PRKN: variants seen among roughly 807,000 people sequenced by gnomAD.
The protein encoded by PRKN is parkin RBR E3 ubiquitin protein ligase, also known as E3 ubiquitin-protein ligase parkin.
Under a neutral mutation model 59.5 loss-of-function variants are expected in PRKN, and 56 were observed. The ratio of observed to expected loss-of-function variants is 0.94; its 90% CI spans 0.76 to 1.18. The LOEUF (loss-of-function observed/expected upper bound fraction) is 1.18, where lower values mean the gene tolerates loss of function less well. Ranked by LOEUF, PRKN falls within the 50% of genes most tolerant of loss-of-function variation. The pLI is 0.00. For synonymous variants in PRKN, 250 were observed against 222.1 expected, an observed-to-expected ratio of 1.13 and a Z score of -1.12; for missense variants, 657 against 596.4, an observed-to-expected ratio of 1.10 and a Z score of -1.06.
intron 6 of PRKN, among the ~76,000 whole-genome samples, chr6:161,874,988 CTT>C (rs1246314656): frequency 1.9e-5 from 1 of 51,924 alleles, no homozygotes; most frequent in Non-Finnish European, 3.1e-5. Flanking sequence ...ATATTATATA[CTT>C]TATATATAAT....
chr6:162,186,641 T>C lies in PRKN; in HGVS notation c.534+14490A>G, dbSNP rs1784045890. On this transcript the variant is annotated intron_variant, in intron 4 of 11. Transcript: ENST00000366898. Reference sequence around the variant, plus strand: ...CTCCAGTGTTGGAGGTGGGGCATGGTGGGAGGTGGTTGGATCCTGGGAGCA... The same window carrying C: ...CTCCAGTGTTGGAGGTGGGGCATGGCGGGAGGTGGTTGGATCCTGGGAGCA... Among the ~76,000 whole-genome samples, 6 of 152,238 alleles carry C rather than the reference T, an allele frequency of 3.9e-5. No individual in the cohort carries two copies. The South Asian group carries it at 1.2e-3, about 32-fold the overall frequency.
At chr6:161,563,428 T>A (rs542703134) in intron 8 of PRKN, among the ~76,000 whole-genome samples, 2 of 152,126 alleles carry the variant, frequency 1.3e-5, no homozygotes, top group African/African-American at 4.8e-5. Context: ...TACAAACCTA[T>A]TGACTCCAGA....
intron 2 of PRKN, among the ~76,000 whole-genome samples, chr6:162,281,577 G>C (rs1476607528): frequency 6.6e-6 from 1 of 152,042 alleles, no homozygotes; most frequent in Non-Finnish European, 1.5e-5. Context: ...AAAAATGAAA[G>C]CAAAATCCAA....
chr6:161,847,193 A>T (rs1330359061), intron 6 of PRKN, among the ~76,000 whole-genome samples: 1 of 152,148 alleles, frequency 6.6e-6, no homozygotes, highest in African/African-American at 2.4e-5. Context: ...CTGTAGTCCC[A>T]GCTACTTGGG....
intron 6 of PRKN, among the ~76,000 whole-genome samples, chr6:161,946,102 A>T (rs1361739423): frequency 6.6e-6 from 1 of 152,144 alleles, no homozygotes; most frequent in African/African-American, 2.4e-5. Flanking sequence ...CCGTAGAATG[A>T]GTAGAAAATT....
At chr6:161,993,755 C>T (rs1470446817) in intron 5 of PRKN, among the ~76,000 whole-genome samples, 2 of 152,192 alleles carry the variant, frequency 1.3e-5, no homozygotes. Flanking sequence ...TACGGTTCTG[C>T]AAGCTGTAAA....
intron 2 of PRKN, among the ~76,000 whole-genome samples, chr6:162,400,894 T>G (rs555444434): frequency 6.6e-6 from 1 of 152,244 alleles, no homozygotes; most frequent in Admixed American, 6.5e-5. Flanking sequence ...TAATATACAC[T>G]TAGAAATTAA....
chr6:161,415,761 C>A (rs934770585), intron 9 of PRKN, among the ~76,000 whole-genome samples: 1 of 151,818 alleles, frequency 6.6e-6, no homozygotes, highest in African/African-American at 2.4e-5. Context: ...GTTGTCAGTT[C>A]TGCTCTCACT....
At position 161,538,679 on chromosome 6, in the gene PRKN, TC is replaced by T. The variant is rs1779510438; in HGVS notation, c.1083+10174del. On this transcript the variant is annotated intron_variant, in intron 9 of 11. Transcript: ENST00000366898. This position sits in a 1 kb window ranked among gnomAD's most constrained non-coding sequence, Gnocchi z 4.2. ...AAAAATGGCTGCATTTCTTGGAATC[TC>T]AGGAAATGTGATTTCTACATCTGTT... is the stretch of plus-strand genomic sequence containing the variant. Among the ~76,000 whole-genome samples the T allele has an allele frequency of 6.6e-6, 1 of 152,144 alleles. No individual in the cohort carries two copies. Among genetic ancestry groups the T allele is most frequent in the South Asian group, 2.1e-4 (1 of 4,814 alleles).
intron 6 of PRKN, among the ~76,000 whole-genome samples, chr6:161,877,268 GA>G (rs1337629373): frequency 2.0e-5 from 3 of 152,024 alleles, no homozygotes; most frequent in African/African-American, 7.2e-5. Flanking sequence ...CTCCTGTCTG[GA>G]CCCTGCTAGG....
At chr6:161,411,278 C>T (rs748591525) in intron 9 of PRKN, among the ~76,000 whole-genome samples, 1 of 152,154 alleles carries the variant, frequency 6.6e-6, no homozygotes, top group Non-Finnish European at 1.5e-5. Flanking sequence ...TTTCCCCATA[C>T]TGTCCTTGTG....
intron 1 of PRKN, among the ~76,000 whole-genome samples, chr6:162,451,314 A>T (rs1025446315): frequency 2.0e-5 from 3 of 151,836 alleles, no homozygotes; most frequent in Non-Finnish European, 4.4e-5. Context: ...CTAATTTTGA[A>T]ACTAGGAAAC....
chr6:161,425,297 T>C (rs907280670), intron 9 of PRKN, among the ~76,000 whole-genome samples: 1 of 152,198 alleles, frequency 6.6e-6, no homozygotes, highest in Admixed American at 6.5e-5. Context: ...GAGTACAAAC[T>C]GCATTGAGGT....
In PRKN at chr6:161,379,496, T is replaced by G. The variant is rs1259275083; in HGVS notation, c.1167+7298A>C. On this transcript the variant is annotated intron_variant, in intron 10 of 11. Transcript: ENST00000366898. This position sits in a 1 kb window ranked among gnomAD's most constrained non-coding sequence, Gnocchi z 4.9. ...AAGGGGCAGACGACAGCAGATGCTGTGAGGCTGGCCAGACCCCTCCTCCAG... is the reference window on the plus strand; with the variant it reads ...AAGGGGCAGACGACAGCAGATGCTGGGAGGCTGGCCAGACCCCTCCTCCAG... Among the ~76,000 whole-genome samples the G allele has an allele frequency of 6.6e-6, 1 of 152,230 alleles. No individual in the cohort carries two copies. The highest frequency in any genetic ancestry group is 1.5e-5 in the Non-Finnish European group (1 of 68,042).
rs1468100045 is a variant in PRKN at position 161,582,429 on chromosome 6, T to C, written c.872-13013A>G. 6.6e-6 allele frequency among the ~76,000 whole-genome samples: 1 copy of C among 150,672 alleles called. No individual in the cohort carries two copies. The highest frequency in any genetic ancestry group is 1.5e-5 in the Non-Finnish European group (1 of 67,732). ...ATCTGCAGACTATTATTATTATTAT[T>C]ATTATTATTATTTTTGAGACAGAGT... On this transcript the variant is annotated intron_variant, in intron 7 of 11. Transcript: ENST00000366898. The surrounding 1 kb of genome is among the most constrained non-coding windows in gnomAD (Gnocchi z 4.4).
intron 1 of PRKN, among the ~76,000 whole-genome samples, chr6:162,710,278 T>G (rs944342626): frequency 6.6e-6 from 1 of 151,790 alleles, no homozygotes; most frequent in African/African-American, 2.4e-5. Context: ...CCCTTCCCTC[T>G]ATTCTGAACT....
intron 3 of PRKN, among the ~76,000 whole-genome samples, chr6:162,230,606 G>T (rs768588561): frequency 6.6e-6 from 1 of 152,212 alleles, no homozygotes; most frequent in Non-Finnish European, 1.5e-5. Context: ...TCAATTTCAT[G>T]TTCTAATACA....
rs571854028 is a variant in PRKN at position 161,861,413 on chromosome 6, C to T, written c.735-75505G>A. 1.5e-4 allele frequency among the ~76,000 whole-genome samples: 23 copies of T among 152,126 alleles called. 1 individual carries two copies. In the South Asian group the frequency reaches 4.8e-3, roughly 32 times the overall value. ...ACACAGGGAGGGGAACTTCACACAC[C>T]AGGGCCTGTTGGGCAATGGGGGGTA... On this transcript the variant is annotated intron_variant, in intron 6 of 11. Coordinates refer to ENST00000366898, the MANE Select transcript of PRKN (RefSeq NM_004562.3).
chr6:161,589,946 A>T (rs1207287582), intron 7 of PRKN, among the ~76,000 whole-genome samples: 4 of 140,532 alleles, frequency 2.8e-5, no homozygotes, highest in East Asian at 2.1e-4. Context: ...TGCGCAGCTA[A>T]TTTTTTTTTT....
Sources: gnomAD v4.1 joint callset for allele counts (sites outside exome capture counted in the v4.1 genomes callset) on GRCh38, gnomAD v4.1.1 for gene constraint, Gnocchi (gnomAD v3.1) non-coding constraint, MANE v1.5 for transcripts, NCBI Gene and HGNC (gene_info 2026-07-23, HGNC 2026-07-21) for gene names.